Variants in COBLL1 observed in about 807,000 individuals in gnomAD.
COBLL1 encodes cordon-bleu protein-like 1.
COBLL1 carries 50 observed loss-of-function variants against 94.8 expected under a neutral mutation model. The ratio of observed to expected loss-of-function variants is 0.53; its 90% CI spans 0.42 to 0.67. The LOEUF is 0.67. Ranked by LOEUF, COBLL1 falls within the 30% of genes least tolerant of loss-of-function variation. COBLL1 has a pLI of 0.00. For missense variants in COBLL1, 1,362 were observed against 1,348.7 expected (o/e 1.01, Z -0.15); for synonymous variants, 448 against 473.8 (o/e 0.95, Z 0.71).
chr2:164,841,825 G>A, upstream of COBLL1: 1 of 645,002 alleles, frequency 1.6e-6, no homozygotes, highest in Non-Finnish European at 2.6e-6. The surrounding 1 kb of genome is among the most constrained non-coding windows in gnomAD (Gnocchi z 5.5). Flanking sequence ...GACTTGAATG[G>A]AGAAGCGGCA....
intron 2 of COBLL1, among the ~76,000 whole-genome samples, chr2:164,806,156 AG>A (rs1025123843): frequency 1.1e-4 from 17 of 152,054 alleles, no homozygotes; most frequent in Admixed American, 5.9e-4. Context: ...GAAAAAGGGA[AG>A]GAAAAAAAAA....
intron 9 of COBLL1, among the ~76,000 whole-genome samples, chr2:164,702,549 G>C (rs1159170537): frequency 9.3e-6 from 1 of 107,402 alleles, no homozygotes; most frequent in African/African-American, 4.4e-5. Context: ...GGGCAACAGT[G>C]AGACTCCTCA....
At chr2:164,702,861 G>A (rs1025709224) in intron 9 of COBLL1, among the ~76,000 whole-genome samples, 1 of 151,974 alleles carries the variant, frequency 6.6e-6, no homozygotes, top group Admixed American at 6.6e-5. Flanking sequence ...AAATAGAAGA[G>A]AAGCTAAAAT....
rs35764844 is a variant in COBLL1 at position 164,817,039 on chromosome 2, G to C, written c.41+24117C>G. Among the ~76,000 whole-genome samples the C allele has an allele frequency of 1.3e-3, 201 of 152,258 alleles. 1 individual carries two copies. The highest frequency in any genetic ancestry group is 3.4e-3 in the Middle Eastern group (1 of 294). Reference sequence around the variant, plus strand: ...TCAGAACCCAGCTATATGAACTGAAGTTAAGTCAGGACTCCAGTGAGGTAT... The same window carrying C: ...TCAGAACCCAGCTATATGAACTGAACTTAAGTCAGGACTCCAGTGAGGTAT... On this transcript the variant is annotated intron_variant, in intron 2 of 13. Coordinates refer to ENST00000652658, the MANE Select transcript of COBLL1 (RefSeq NM_001365672.2).
chr2:164,692,176 G>T (rs1683637862), intron 13 of COBLL1, 45 bp downstream of exon 13: 4 of 1,497,384 alleles, frequency 2.7e-6, no homozygotes, highest in East Asian at 2.4e-5. Context: ...GTTTGACAAT[G>T]GTGACAATAA....
chr2:164,777,977 G>A (rs750131031), intron 2 of COBLL1, among the ~76,000 whole-genome samples: 19 of 152,224 alleles, frequency 1.2e-4, no homozygotes, highest in Non-Finnish European at 2.9e-5. Flanking sequence ...GGCCTTGGGA[G>A]AATGGCACTG....
chr2:164,732,857 C>T (rs1415496114), intron 3 of COBLL1, among the ~76,000 whole-genome samples: 1 of 152,174 alleles, frequency 6.6e-6, no homozygotes, highest in African/African-American at 2.4e-5. Flanking sequence ...AGATCAAGGC[C>T]ATCCTGGCTA....
chr2:164,770,316 A>G (rs1688144369), intron 2 of COBLL1, among the ~76,000 whole-genome samples: 1 of 152,138 alleles, frequency 6.6e-6, no homozygotes, highest in Non-Finnish European at 1.5e-5. Flanking sequence ...AAAGAAAAAA[A>G]AAACACACAA....
chr2:164,727,511 T>C (rs985971891), intron 5 of COBLL1, among the ~76,000 whole-genome samples: 13 of 152,044 alleles, frequency 8.6e-5, no homozygotes, highest in Non-Finnish European at 1.9e-4. Context: ...TATTTTGGTG[T>C]TGACCTTAGG....
At chr2:164,738,546 G>C (rs1363329473) in intron 3 of COBLL1, among the ~76,000 whole-genome samples, 1 of 151,878 alleles carries the variant, frequency 6.6e-6, no homozygotes, top group African/African-American at 2.4e-5. Flanking sequence ...CTGAGAAGAA[G>C]AGCCACGAGT....
chr2:164,831,221 T>C (rs78279746), intron 2 of COBLL1, among the ~76,000 whole-genome samples: 1 of 151,806 alleles, frequency 6.6e-6, no homozygotes, highest in South Asian at 2.1e-4. Flanking sequence ...ACTCGGAAGG[T>C]TGAGACAGGA....
At chr2:164,728,768 T>C (rs1386993356) in intron 4 of COBLL1, among the ~76,000 whole-genome samples, 1 of 152,000 alleles carries the variant, frequency 6.6e-6, no homozygotes, top group African/African-American at 2.4e-5. Flanking sequence ...GTTGTTACTA[T>C]TACTACTTTG....
At chr2:164,673,385 GGTGGCTAGGCCAGGCGCA>G (rs1691279111) in intron 1 of COBLL1, among the ~76,000 whole-genome samples, 1 of 152,016 alleles carries the variant, frequency 6.6e-6, no homozygotes, top group Non-Finnish European at 1.5e-5. Context: ...GGCTGGGCGC[GGTGGCTAGGCCAGGCGCA>G]GTGGCTCACG....
chr2:164,839,412 C>T (rs1683477559), intron 2 of COBLL1, among the ~76,000 whole-genome samples: 1 of 152,108 alleles, frequency 6.6e-6, no homozygotes, highest in Non-Finnish European at 1.5e-5. Context: ...GGCAACATAG[C>T]AAGACCTTGT....
At chr2:164,659,556 C>T (rs892701715) in intron 2 of COBLL1, among the ~76,000 whole-genome samples, 10 of 152,082 alleles carry the variant, frequency 6.6e-5, no homozygotes, top group South Asian at 2.1e-4. Context: ...GTGAGTATGC[C>T]GTTCACATCA....
At chr2:164,744,602 T>C (rs986167139) in intron 2 of COBLL1, among the ~76,000 whole-genome samples, 2 of 152,100 alleles carry the variant, frequency 1.3e-5, no homozygotes, top group East Asian at 1.9e-4. Context: ...GGGGGATCCA[T>C]TGAGTCCAGG....
intron 7 of COBLL1, among the ~76,000 whole-genome samples, chr2:164,715,680 G>A (rs1685126312): frequency 6.6e-6 from 1 of 151,790 alleles, no homozygotes; most frequent in African/African-American, 2.4e-5. Flanking sequence ...AAAAAATTAA[G>A]TCAGTTATTT....
chr2:164,660,385 T>C (rs768641841), intron 2 of COBLL1, among the ~76,000 whole-genome samples: 1 of 152,156 alleles, frequency 6.6e-6, no homozygotes, highest in Non-Finnish European at 1.5e-5. Flanking sequence ...ATTGCTATAC[T>C]TGGGGATTGG....
Position 164,699,472 on chromosome 2 carries a change from T to G in COBLL1, c.1488A>C (p.Thr496=). The change falls in exon 11 of 14, where the codon ACA becomes ACC. Residue 496 remains threonine (T), a synonymous_variant. Coordinates refer to ENST00000652658, the MANE Select transcript of COBLL1 (RefSeq NM_001365672.2). ...GQEPHSVVYD[T]SNGKKVVDSI... ...TGTCAACTACCTTCTTTCCATTGCT[T>G]GTATCATATACTACACTGTGTGGTT... is the stretch of plus-strand genomic sequence containing the variant. 1.2e-6 allele frequency: 2 copies of G among 1,612,016 alleles called. No homozygotes were observed. The highest frequency in any genetic ancestry group is 1.7e-6 in the Non-Finnish European group (2 of 1,178,254).
Sources: allele counts gnomAD v4.1 joint callset (sites outside exome capture counted in the v4.1 genomes callset), GRCh38; gene constraint gnomAD v4.1.1; non-coding constraint Gnocchi (gnomAD v3.1); transcripts MANE v1.5; gene names NCBI Gene and HGNC (gene_info 2026-07-23, HGNC 2026-07-21).